The following STARD3NL variants were observed in gnomAD, a reference collection of about 807,000 sequenced individuals.
The protein encoded by STARD3NL is STARD3 N-terminal-like protein.
STARD3NL carries 17 observed loss-of-function variants against 30.9 expected under a neutral mutation model. The ratio of observed to expected loss-of-function variants is 0.55; its 90% CI spans 0.38 to 0.82. The LOEUF is 0.82. STARD3NL is among the 40% of genes least tolerant of loss of function. STARD3NL has a pLI of 0.00. For synonymous variants in STARD3NL, 112 were observed against 100.5 expected (o/e 1.11, Z -0.69); for missense variants, 234 against 277.6 (o/e 0.84, Z 1.12).
intron 2 of STARD3NL, among the ~76,000 whole-genome samples, chr7:38,208,247 A>G (rs186822613): frequency 4.2e-4 from 64 of 152,264 alleles, no homozygotes; most frequent in African/African-American, 1.3e-3. Context: ...TGTTTCATGT[A>G]CTTTTCTAGT....
chr7:38,191,487 T>G (rs1329449172), intron 1 of STARD3NL, among the ~76,000 whole-genome samples: 3 of 152,212 alleles, frequency 2.0e-5, no homozygotes, highest in Admixed American at 6.5e-5. Flanking sequence ...AAAAAAATTG[T>G]CCTACACATT....
At chr7:38,179,642 A>G (rs1032067779) in intron 1 of STARD3NL, among the ~76,000 whole-genome samples, 1 of 152,202 alleles carries the variant, frequency 6.6e-6, no homozygotes, top group African/African-American at 2.4e-5. Context: ...TAAGGCCCAT[A>G]CCCTCAAAGA....
At chr7:38,193,613 CT>C (rs1784784531) in intron 1 of STARD3NL, among the ~76,000 whole-genome samples, 2 of 152,150 alleles carry the variant, frequency 1.3e-5, no homozygotes, top group East Asian at 1.9e-4. Context: ...TAGTTTTTAT[CT>C]ATATGTGTTT....
chr7:38,209,426 G>A (rs983876298), intron 2 of STARD3NL, among the ~76,000 whole-genome samples: 13 of 151,930 alleles, frequency 8.6e-5, no homozygotes, highest in African/African-American at 2.9e-4. Flanking sequence ...GGGACTACAG[G>A]GCGCACACCA....
At position 38,180,721 on chromosome 7, in the gene STARD3NL, C is replaced by T. The variant is rs185239678; in HGVS notation, c.-59+2301C>T. Among the ~76,000 whole-genome samples, 267 of 152,302 alleles carry T rather than the reference C, an allele frequency of 1.8e-3. 1 individual carries two copies. The highest frequency in any genetic ancestry group is 6.1e-3 in the African/African-American group (255 of 41,560). On this transcript the variant is annotated intron_variant, in intron 1 of 8. Coordinates refer to ENST00000009041, the MANE Select transcript of STARD3NL (RefSeq NM_032016.4). ...TACCCCACCTCCTGTTAACCTCCAACCTTGCTACCCTGAGCAGCAAGTCTC... is the reference window on the plus strand; with the variant it reads ...TACCCCACCTCCTGTTAACCTCCAATCTTGCTACCCTGAGCAGCAAGTCTC...
chr7:38,211,297 G>A (rs1322169816), intron 2 of STARD3NL, among the ~76,000 whole-genome samples: 2 of 152,174 alleles, frequency 1.3e-5, no homozygotes, highest in African/African-American at 4.8e-5. Flanking sequence ...GAATGGAAGA[G>A]ATGGACTGTG....
chr7:38,202,073 T>C (rs192400218), intron 1 of STARD3NL: 124 of 152,362 alleles, frequency 8.1e-4, no homozygotes, highest in African/African-American at 2.8e-3. Context: ...GTTTCAGAAT[T>C]AACTCCTAGA....
At chr7:38,220,590 A>G (rs1562624323) in intron 7 of STARD3NL, among the ~76,000 whole-genome samples, 1 of 152,248 alleles carries the variant, frequency 6.6e-6, no homozygotes, top group Admixed American at 6.5e-5. Flanking sequence ...GTGTTTCCGT[A>G]AAAGATTAAA....
chr7:38,202,786 A>G (rs1234682958), intron 1 of STARD3NL, among the ~76,000 whole-genome samples: 1 of 135,244 alleles, frequency 7.4e-6, no homozygotes, highest in East Asian at 2.2e-4. Context: ...AAGTGTTCTC[A>G]TTGTTCAATT....
intron 1 of STARD3NL, among the ~76,000 whole-genome samples, chr7:38,190,147 CA>C (rs139865316): frequency 0.012 from 1,752 of 152,218 alleles, 33 homozygotes; most frequent in East Asian, 0.063. Context: ...TTTACTTATA[CA>C]ATAATGGGCA....
chr7:38,225,390 T>A (rs1786701450), intron 7 of STARD3NL, among the ~76,000 whole-genome samples: 1 of 152,198 alleles, frequency 6.6e-6, no homozygotes. Flanking sequence ...TATATTTGTG[T>A]TCATATCTAA....
intron 2 of STARD3NL, among the ~76,000 whole-genome samples, chr7:38,208,746 A>G (rs978904004): frequency 6.6e-6 from 1 of 152,206 alleles, no homozygotes; most frequent in African/African-American, 2.4e-5. Flanking sequence ...ACAGTGCTAG[A>G]TGTTTTATGA....
chr7:38,188,653 G>A (rs574134574), intron 1 of STARD3NL, among the ~76,000 whole-genome samples: 2 of 152,216 alleles, frequency 1.3e-5, no homozygotes, highest in South Asian at 4.1e-4. Flanking sequence ...TATGAAGTGC[G>A]GTTCTTAAAC....
At chr7:38,194,077 T>G (rs2116047538) in intron 1 of STARD3NL, among the ~76,000 whole-genome samples, 1 of 152,320 alleles carries the variant, frequency 6.6e-6, no homozygotes, top group Admixed American at 6.5e-5. Flanking sequence ...TATTCTTTTT[T>G]TGGAATGGTT....
chr7:38,199,276 C>G (rs1014813655), intron 1 of STARD3NL, among the ~76,000 whole-genome samples: 2 of 152,144 alleles, frequency 1.3e-5, no homozygotes, highest in Non-Finnish European at 2.9e-5. Context: ...CTCAGTACCC[C>G]GGATTGAATA....
intron 6 of STARD3NL, among the ~76,000 whole-genome samples, chr7:38,217,592 CT>C (rs1786199715): frequency 6.6e-6 from 1 of 152,212 alleles, no homozygotes; most frequent in African/African-American, 2.4e-5. Flanking sequence ...ATAGCCAGCA[CT>C]TTTTTCTCCC....
intron 1 of STARD3NL, chr7:38,201,906 C>G (rs1172187209): frequency 6.6e-5 from 10 of 152,302 alleles, no homozygotes; most frequent in Admixed American, 5.9e-4. Context: ...CCAGTCTGGT[C>G]TTGAACTGCT....
Position 38,228,825 on chromosome 7 carries a change from G to C in STARD3NL, c.676G>C (p.Asp226His). ...ATCTGAAGAAGCTGAAGAAAAACAG[G>C]ACAGTGAGAAACCACTTTTAGAACT... is the stretch of plus-strand genomic sequence containing the variant. ...AGSEEAEEKQ[D>H]SEKPLLEL Residue 226 changes from aspartate (D) to histidine (H), a missense_variant, in exon 8 of 9, where the codon GAC becomes CAC. Asp to His is a moderately conservative substitution (Grantham distance 81). Transcript: ENST00000009041. 5 of 1,612,944 alleles carry C rather than the reference G, an allele frequency of 3.1e-6. No homozygotes were observed. The highest frequency in any genetic ancestry group is 4.2e-6 in the Non-Finnish European group (5 of 1,179,378).
At chr7:38,214,980 AT>A in intron 3 of STARD3NL, 47 bp from the exon 4 acceptor site, 1 of 1,540,442 alleles carries the variant, frequency 6.5e-7, no homozygotes. Flanking sequence ...AAGCTGTGTC[AT>A]TTTTGTATAT....
Sources: gnomAD v4.1 joint callset for allele counts (sites outside exome capture counted in the v4.1 genomes callset) on GRCh38, gnomAD v4.1.1 for gene constraint, MANE v1.5 for transcripts, NCBI Gene and HGNC (gene_info 2026-07-23, HGNC 2026-07-21) for gene names.